KDM2A: variants seen among roughly 807,000 people sequenced by gnomAD.
KDM2A encodes lysine demethylase 2A, also known as lysine-specific demethylase 2A.
A neutral mutation model predicts 137.3 loss-of-function variants in KDM2A; 3 were observed. The observed-to-expected ratio is 0.02, with a 90% CI of 0.01 to 0.06. The LOEUF (loss-of-function observed/expected upper bound fraction) is 0.06, where lower values mean the gene tolerates loss of function less well. Among genes scored for constraint, KDM2A ranks in the 10% least tolerant of loss-of-function variants. The pLI is 1.00. For synonymous variants in KDM2A, 512 were observed against 541.5 expected, an observed-to-expected ratio of 0.95 and a Z score of 0.76; for missense variants, 738 against 1,510.6, an observed-to-expected ratio of 0.49 and a Z score of 8.48.
chr11:67,144,175 T>A (rs1217442101), intron 2 of KDM2A, among the ~76,000 whole-genome samples: 1 of 151,664 alleles, frequency 6.6e-6, no homozygotes, highest in Non-Finnish European at 1.5e-5. Flanking sequence ...AAACTCCTGA[T>A]GTCACGTGAT....
At chr11:67,214,143 C>T (rs1011471817) in intron 6 of KDM2A, among the ~76,000 whole-genome samples, 22 of 152,014 alleles carry the variant, frequency 1.4e-4, no homozygotes, top group Middle Eastern at 3.4e-3. Context: ...TGGGTTCAAG[C>T]GATTCTCCTG....
chr11:67,125,603 C>T (rs1855702573), intron 2 of KDM2A, among the ~76,000 whole-genome samples: 1 of 151,628 alleles, frequency 6.6e-6, no homozygotes, highest in South Asian at 2.1e-4. Context: ...GAAATCCCAT[C>T]TCTACTAAAA....
chr11:67,255,231 T>C lies in KDM2A; in HGVS notation c.*176T>C. On this transcript the variant is annotated 3_prime_UTR_variant, in exon 21 of 21. Coordinates refer to ENST00000529006, the MANE Select transcript of KDM2A (RefSeq NM_012308.3). ...CAGAGAGGGTGGTGGACACCAGGCT[T>C]ATCTGCCTGCTCCTCTCCCTCCTAA... is the stretch of plus-strand genomic sequence containing the variant. 1 of 613,248 alleles carries C rather than the reference T, an allele frequency of 1.6e-6. No individual in the cohort carries two copies. Among genetic ancestry groups the C allele is most frequent in the East Asian group, 2.8e-5 (1 of 36,144 alleles). The allele number at this position is 613,248 out of a possible 1,614,324, so 38.0% of individuals were successfully genotyped here. A position where few individuals can be genotyped will look rare whatever the true frequency, so the allele number is the denominator to read the frequency against.
chr11:67,217,220 C>T (rs901432388), intron 8 of KDM2A, among the ~76,000 whole-genome samples: 1 of 132,342 alleles, frequency 7.6e-6, no homozygotes, highest in South Asian at 2.4e-4. Flanking sequence ...CCAGCCTGGA[C>T]TACAAGAGTG....
chr11:67,184,669 C>T (rs903609923), intron 5 of KDM2A, among the ~76,000 whole-genome samples: 1 of 151,856 alleles, frequency 6.6e-6, no homozygotes, highest in African/African-American at 2.4e-5. Flanking sequence ...CACCCACCCC[C>T]ATTTTAGTTT....
intron 2 of KDM2A, among the ~76,000 whole-genome samples, chr11:67,174,640 A>C (rs2136329472): frequency 6.6e-6 from 1 of 152,278 alleles, no homozygotes. Flanking sequence ...TATTCCATTT[A>C]TGTGGCCATT....
chr11:67,220,316 CTT>C lies in KDM2A; in HGVS notation c.957+914_957+915del, dbSNP rs542564676. Among the ~76,000 whole-genome samples, 81 of 152,220 alleles carry C rather than the reference CTT, an allele frequency of 5.3e-4. 1 individual carries two copies. Among genetic ancestry groups the C allele is most frequent in the Non-Finnish European group, 1.2e-4 (8 of 68,018 alleles). On this transcript the variant is annotated intron_variant, in intron 10 of 20. Coordinates refer to ENST00000529006, the MANE Select transcript of KDM2A (RefSeq NM_012308.3). ...TGTGAGCTACTGCATCCCACAGTAT[CTT>C]GGATTTTTATAAGGCCAGACATTTA... is the stretch of plus-strand genomic sequence containing the variant.
chr11:67,205,132 G>A (rs746000068), intron 5 of KDM2A, among the ~76,000 whole-genome samples: 13 of 152,090 alleles, frequency 8.5e-5, no homozygotes, highest in Non-Finnish European at 1.6e-4. Flanking sequence ...AGATGTATGA[G>A]GGTTCCAATT....
At chr11:67,178,379 T>C (rs1193913641) in intron 2 of KDM2A, among the ~76,000 whole-genome samples, 1 of 152,184 alleles carries the variant, frequency 6.6e-6, no homozygotes, top group Non-Finnish European at 1.5e-5. Context: ...CATTCCAGCC[T>C]GCGCGACAGA....
At chr11:67,205,521 G>C (rs188512000) in intron 5 of KDM2A, among the ~76,000 whole-genome samples, 39 of 152,094 alleles carry the variant, frequency 2.6e-4, no homozygotes, top group Non-Finnish European at 4.7e-4. Flanking sequence ...TCGACCTCCT[G>C]GGCTCAGGTG....
intron 2 of KDM2A, among the ~76,000 whole-genome samples, chr11:67,172,656 C>G (rs1397926209): frequency 7.1e-6 from 1 of 141,452 alleles, no homozygotes; most frequent in Non-Finnish European, 1.5e-5. Context: ...GTGTGGATTC[C>G]TTATAGTTTT....
Position 67,257,937 on chromosome 11 carries a change from G to A in KDM2A, c.*2882G>A, listed in dbSNP as rs181513845. 2.0e-5 allele frequency: 3 copies of A among 152,238 alleles called. No homozygotes were observed. Among genetic ancestry groups the A allele is most frequent in the Admixed American group, 6.5e-5 (1 of 15,302 alleles). 9.4% of individuals were successfully genotyped at this position (152,238 alleles called of 1,614,324 possible). The stretch of plus-strand genomic sequence containing the variant: ...AGCAAGGACATCTTTCCTCTGACAC[G>A]TGGGAATGGGTGATATTTGTGTAAT... On this transcript the variant is annotated 3_prime_UTR_variant, in exon 21 of 21. Transcript: ENST00000529006.
intron 6 of KDM2A, among the ~76,000 whole-genome samples, chr11:67,210,805 A>G (rs1857954906): frequency 6.6e-6 from 1 of 152,196 alleles, no homozygotes; most frequent in Non-Finnish European, 1.5e-5. Context: ...ACACATTTCA[A>G]AATCTTAATA....
At chr11:67,204,296 G>A (rs905564860) in intron 5 of KDM2A, among the ~76,000 whole-genome samples, 12 of 151,864 alleles carry the variant, frequency 7.9e-5, no homozygotes, top group Admixed American at 2.6e-4. Context: ...CCACTATCTA[G>A]TTCTAGAATT....
chr11:67,135,924 C>G (rs1338230812), intron 2 of KDM2A, among the ~76,000 whole-genome samples: 1 of 152,204 alleles, frequency 6.6e-6, no homozygotes, highest in Non-Finnish European at 1.5e-5. Context: ...AGTCTAGATT[C>G]TAGATAGCTC....
intron 5 of KDM2A, among the ~76,000 whole-genome samples, chr11:67,187,529 TATTAA>T (rs1857236958): frequency 6.6e-6 from 1 of 151,548 alleles, no homozygotes; most frequent in African/African-American, 2.4e-5. Flanking sequence ...AACAGACATT[TATTAA>T]TTTATTTAAT....
At chr11:67,232,032 A>G in intron 12 of KDM2A, 72 bp downstream of exon 12, 6 of 1,449,164 alleles carry the variant, frequency 4.1e-6, no homozygotes, top group Non-Finnish European at 5.5e-6. Context: ...TCAGAGGGAG[A>G]AAATATAGGA....
At chr11:67,124,958 C>T (rs899373791) in intron 2 of KDM2A, among the ~76,000 whole-genome samples, 2 of 149,820 alleles carry the variant, frequency 1.3e-5, no homozygotes, top group South Asian at 2.1e-4. Flanking sequence ...CCCGGGTTCA[C>T]GCCATTCTCC....
chr11:67,198,759 G>GTTTGGTTTGT (rs1555090003), intron 5 of KDM2A, among the ~76,000 whole-genome samples: 10 of 149,206 alleles, frequency 6.7e-5, no homozygotes, highest in African/African-American at 2.5e-4. Context: ...GTGATCAGTA[G>GTTTGGTTTGT]TTTGTTTTGT....
Sources: allele counts gnomAD v4.1 joint callset (sites outside exome capture counted in the v4.1 genomes callset), GRCh38; gene constraint gnomAD v4.1.1; transcripts MANE v1.5; gene names NCBI Gene and HGNC (gene_info 2026-07-23, HGNC 2026-07-21).